THADA: variants seen among roughly 807,000 people sequenced by gnomAD.
THADA encodes the protein tRNA (32-2'-O)-methyltransferase regulator THADA.
THADA carries 213 observed loss-of-function variants against 219.8 expected under a neutral mutation model. The observed-to-expected ratio is 0.97, with a 90% CI of 0.87 to 1.09. The LOEUF (loss-of-function observed/expected upper bound fraction) is 1.09. THADA is among the 50% of genes least tolerant of loss of function. The pLI, the probability that THADA is intolerant of heterozygous loss-of-function variation, is 0.00. For synonymous variants in THADA, 1,018 were observed against 828.9 expected (o/e 1.23, Z -3.92); for missense variants, 2,956 against 2,311.3 (o/e 1.28, Z -5.72).
chr2:43,437,017 G>C (rs753072026), intron 26 of THADA, among the ~76,000 whole-genome samples: 1 of 152,162 alleles, frequency 6.6e-6, no homozygotes, highest in Non-Finnish European at 1.5e-5. Context: ...GTTATGCTTG[G>C]TTATTCACAG....
At chr2:43,260,649 C>A (rs900484941) in intron 36 of THADA, among the ~76,000 whole-genome samples, 2 of 152,124 alleles carry the variant, frequency 1.3e-5, no homozygotes, top group Non-Finnish European at 1.5e-5. Context: ...ATTGGCATAA[C>A]GTATTTAGAA....
In THADA at chr2:43,498,882, G is replaced by C; in HGVS notation, c.3695C>G (p.Ala1232Gly). The change falls in exon 25 of 38, where the codon GCT (alanine) becomes GGT (glycine). Residue 1232 changes from alanine to glycine, a missense_variant. Ala to Gly is a moderately conservative substitution (Grantham distance 60). Transcript: ENST00000405975. Reference protein sequence around the residue: ...RLGENIIPYVADGAKAAILGF... With the variant: ...RLGENIIPYVGDGAKAAILGF... Reference sequence around the variant, plus strand: ...CAGAATTGCAGCCTTAGCTCCATCAGCAACATAAGGAATAATATTTTCTCC... The same window carrying C: ...CAGAATTGCAGCCTTAGCTCCATCACCAACATAAGGAATAATATTTTCTCC... 6.2e-7 allele frequency: 1 copy of C among 1,611,536 alleles called. No homozygotes were observed.
At chr2:43,287,422 G>A (rs1674166500) in intron 34 of THADA, among the ~76,000 whole-genome samples, 1 of 152,128 alleles carries the variant, frequency 6.6e-6, no homozygotes, top group African/African-American at 2.4e-5. Context: ...AGCCTTCCGA[G>A]TAGCTGAAAG....
At chr2:43,571,433 G>A (rs1275697927) in intron 13 of THADA, among the ~76,000 whole-genome samples, 1 of 151,728 alleles carries the variant, frequency 6.6e-6, no homozygotes, top group Non-Finnish European at 1.5e-5. Flanking sequence ...TTGTATTTTA[G>A]TAGAGATGGG....
At chr2:43,425,150 T>C (rs1316621300) in intron 28 of THADA, among the ~76,000 whole-genome samples, 3 of 152,204 alleles carry the variant, frequency 2.0e-5, no homozygotes, top group African/African-American at 7.2e-5. Context: ...CCCTGCACTC[T>C]TGGGTTCAAA....
At chr2:43,270,788 A>C (rs1294203017) in intron 36 of THADA, among the ~76,000 whole-genome samples, 2 of 152,218 alleles carry the variant, frequency 1.3e-5, no homozygotes, top group African/African-American at 4.8e-5. Context: ...TCAAGACTGC[A>C]GTGAGCTACA....
At chr2:43,472,291 T>A (rs1206440257) in intron 26 of THADA, among the ~76,000 whole-genome samples, 2 of 152,216 alleles carry the variant, frequency 1.3e-5, no homozygotes, top group Non-Finnish European at 2.9e-5. Context: ...CAACTTATAG[T>A]CATATGGCAA....
intron 22 of THADA, among the ~76,000 whole-genome samples, chr2:43,515,977 A>T (rs901565751): frequency 6.6e-6 from 1 of 152,152 alleles, no homozygotes. Flanking sequence ...CTAATAAAAG[A>T]ATAACAAATC....
At chr2:43,412,631 A>T (rs920772429) in intron 28 of THADA, among the ~76,000 whole-genome samples, 11 of 152,164 alleles carry the variant, frequency 7.2e-5, no homozygotes, top group Non-Finnish European at 1.5e-4. Flanking sequence ...TTATTATTCA[A>T]ATGGTTCTTC....
intron 30 of THADA, among the ~76,000 whole-genome samples, chr2:43,330,378 C>T (rs893085563): frequency 5.9e-5 from 9 of 151,488 alleles, no homozygotes; most frequent in Admixed American, 5.2e-4. Flanking sequence ...GCTAGTGAGA[C>T]TTAGGAGGGC....
intron 10 of THADA, among the ~76,000 whole-genome samples, chr2:43,575,246 C>G (rs1466566823): frequency 6.6e-6 from 1 of 152,130 alleles, no homozygotes; most frequent in African/African-American, 2.4e-5. Flanking sequence ...GAAAGCAGTT[C>G]AAGATCAGCC....
chr2:43,425,257 T>G (rs977939636), intron 28 of THADA, among the ~76,000 whole-genome samples: 1 of 152,142 alleles, frequency 6.6e-6, no homozygotes, highest in Admixed American at 6.5e-5. Flanking sequence ...GTAAGTAAAA[T>G]GACCAGTTCA....
intron 26 of THADA, among the ~76,000 whole-genome samples, chr2:43,482,398 G>A (rs568772128): frequency 5.3e-5 from 8 of 152,050 alleles, no homozygotes; most frequent in Admixed American, 2.0e-4. Flanking sequence ...ACTGTTCTAC[G>A]GCACTGGGAA....
At chr2:43,406,398 G>A (rs1258410054) in intron 28 of THADA, among the ~76,000 whole-genome samples, 2 of 152,248 alleles carry the variant, frequency 1.3e-5, no homozygotes, top group African/African-American at 4.8e-5. Flanking sequence ...TGATCAAAAT[G>A]TAGAGATGAA....
intron 34 of THADA, among the ~76,000 whole-genome samples, chr2:43,288,589 C>G (rs554346357): frequency 6.6e-6 from 1 of 152,308 alleles, no homozygotes; most frequent in South Asian, 2.1e-4. Context: ...AAGCACAGGA[C>G]TTCCTCTCCC....
intron 23 of THADA, among the ~76,000 whole-genome samples, chr2:43,508,306 TA>T (rs1027864731): frequency 2.0e-5 from 3 of 151,462 alleles, no homozygotes; most frequent in African/African-American, 7.3e-5. Context: ...AGACTATTTT[TA>T]AAAAAAAATA....
chr2:43,419,356 G>C (rs1328372193), intron 28 of THADA, among the ~76,000 whole-genome samples: 1 of 152,230 alleles, frequency 6.6e-6, no homozygotes, highest in Non-Finnish European at 1.5e-5. Context: ...AAAAGTAAAA[G>C]GACGTGAGGG....
chr2:43,538,028 G>T (rs1056385293), intron 21 of THADA, among the ~76,000 whole-genome samples: 1 of 152,060 alleles, frequency 6.6e-6, no homozygotes, highest in Non-Finnish European at 1.5e-5. Context: ...GATTTCTGTG[G>T]CGATAATTAC....
At chr2:43,444,714 C>T (rs1020415035) in intron 26 of THADA, among the ~76,000 whole-genome samples, 9 of 151,768 alleles carry the variant, frequency 5.9e-5, no homozygotes, top group African/African-American at 1.7e-4. Context: ...TCTGGTGAAA[C>T]GTGTTGAAAA....
Sources: gnomAD v4.1 joint callset for allele counts (sites outside exome capture counted in the v4.1 genomes callset) on GRCh38, gnomAD v4.1.1 for gene constraint, MANE v1.5 for transcripts, NCBI Gene and HGNC (gene_info 2026-07-23, HGNC 2026-07-21) for gene names.